The following PTPRO variants were observed in gnomAD, a reference collection of about 807,000 sequenced individuals.
The protein encoded by PTPRO is receptor-type tyrosine-protein phosphatase O.
A neutral mutation model predicts 145.2 loss-of-function variants in PTPRO; 62 were observed. That is an observed-to-expected ratio of 0.43 (90% confidence interval 0.35 to 0.53). PTPRO has a LOEUF of 0.53. Among genes scored for constraint, PTPRO ranks in the 20% least tolerant of loss-of-function variants. The pLI is 0.01. For missense variants in PTPRO, 1,345 were observed against 1,482.7 expected (o/e 0.91, Z 1.53); for synonymous variants, 565 against 514.7 (o/e 1.10, Z -1.32).
At chr12:15,348,288 C>G (rs1937659166) in intron 1 of PTPRO, 1 of 152,050 alleles carries the variant, frequency 6.6e-6, no homozygotes, top group South Asian at 2.1e-4. Flanking sequence ...TTGGAAGATG[C>G]AGGAGAAAGG....
At chr12:15,405,886 C>T (rs1939635117) in intron 1 of PTPRO, among the ~76,000 whole-genome samples, 1 of 152,048 alleles carries the variant, frequency 6.6e-6, no homozygotes, top group Non-Finnish European at 1.5e-5. Flanking sequence ...ACATGAGGTA[C>T]AGTGACAAAG....
At position 15,322,693 on chromosome 12, in the gene PTPRO, G is replaced by T; in HGVS notation, c.-34G>T. On this transcript the variant is annotated 5_prime_UTR_variant, in exon 1 of 27. Coordinates refer to ENST00000281171, the MANE Select transcript of PTPRO (RefSeq NM_030667.3). This position sits in a 1 kb window ranked among gnomAD's most constrained non-coding sequence, Gnocchi z 6.3. ...GCCGCCGCCGGGGGAGTCCGCTAGCGCAGCCGTGCCCCCGAGTCCCCGTCC... is the reference window on the plus strand; with the variant it reads ...GCCGCCGCCGGGGGAGTCCGCTAGCTCAGCCGTGCCCCCGAGTCCCCGTCC... 1 of 1,584,794 alleles carries T rather than the reference G, an allele frequency of 6.3e-7. No homozygotes were observed. Among genetic ancestry groups the T allele is most frequent in the African/African-American group, 1.3e-5 (1 of 74,420 alleles).
At chr12:15,593,864 T>C (rs1944602923) in intron 25 of PTPRO, among the ~76,000 whole-genome samples, 1 of 152,180 alleles carries the variant, frequency 6.6e-6, no homozygotes, top group African/African-American at 2.4e-5. Context: ...AGAAAATAAT[T>C]ATTTCAATGT....
At chr12:15,376,634 C>A (rs978465497) in intron 1 of PTPRO, among the ~76,000 whole-genome samples, 3 of 152,152 alleles carry the variant, frequency 2.0e-5, no homozygotes, top group East Asian at 1.9e-4. Flanking sequence ...GTTCTGGAGT[C>A]TGGGAATTCC....
chr12:15,353,844 T>C (rs1477505507), intron 1 of PTPRO, among the ~76,000 whole-genome samples: 3 of 152,220 alleles, frequency 2.0e-5, no homozygotes, highest in Non-Finnish European at 2.9e-5. Flanking sequence ...TTCTGCTTTG[T>C]TTTCAGGATC....
intron 1 of PTPRO, among the ~76,000 whole-genome samples, chr12:15,341,398 C>G (rs978326757): frequency 1.3e-5 from 2 of 152,032 alleles, no homozygotes; most frequent in African/African-American, 4.8e-5. Context: ...ATGTCATACC[C>G]CCTCCTCTGT....
At chr12:15,503,825 T>C in intron 5 of PTPRO, 83 bp from the exon 6 acceptor site, 2 of 1,162,100 alleles carry the variant, frequency 1.7e-6, no homozygotes, top group South Asian at 1.4e-5. Context: ...ACACCTAATT[T>C]TTTTTCATTA....
chr12:15,475,916 C>A (rs1591634853), intron 1 of PTPRO, among the ~76,000 whole-genome samples: 1 of 152,080 alleles, frequency 6.6e-6, no homozygotes, highest in Non-Finnish European at 1.5e-5. Context: ...TTTCCTCGTA[C>A]CCAAGTCTCC....
chr12:15,330,415 G>A (rs1176628904), intron 1 of PTPRO, among the ~76,000 whole-genome samples: 2 of 152,134 alleles, frequency 1.3e-5, no homozygotes, highest in Non-Finnish European at 2.9e-5. Flanking sequence ...CATGTGTGCT[G>A]GACAGTCTAC....
chr12:15,517,006 C>T (rs776390970), intron 9 of PTPRO, 50 bp downstream of exon 9: 5 of 1,445,828 alleles, frequency 3.5e-6, no homozygotes, highest in Admixed American at 3.3e-5. Context: ...AACAGGCAAA[C>T]CTTTATGTAC....
intron 18 of PTPRO, among the ~76,000 whole-genome samples, chr12:15,566,307 A>T (rs1419558425): frequency 6.6e-6 from 1 of 152,138 alleles, no homozygotes; most frequent in African/African-American, 2.4e-5. Flanking sequence ...ACATTGGTGA[A>T]TTAGTACAAG....
At chr12:15,407,708 A>T (rs1939686256) in intron 1 of PTPRO, among the ~76,000 whole-genome samples, 1 of 152,210 alleles carries the variant, frequency 6.6e-6, no homozygotes, top group African/African-American at 2.4e-5. Context: ...CTTCTTCATT[A>T]TTCTGAAAAT....
At chr12:15,546,813 T>C in intron 13 of PTPRO, 105 bp downstream of exon 13, 1 of 1,484,722 alleles carries the variant, frequency 6.7e-7, no homozygotes, top group Non-Finnish European at 9.3e-7. Flanking sequence ...AAATGAAAAC[T>C]GTTTATTTGC....
chr12:15,595,409 A>G (rs1944639275), intron 26 of PTPRO: 2 of 293,842 alleles, frequency 6.8e-6, no homozygotes, highest in Admixed American at 8.8e-5. Context: ...TCTTGTGCAA[A>G]TATTTTATTG....
At position 15,501,953 on chromosome 12, in the gene PTPRO, A is replaced by G. The variant is rs1200783601; in HGVS notation, c.995A>G (p.Lys332Arg). The G allele has an allele frequency of 3.7e-6, 6 of 1,613,978 alleles. No homozygotes were observed. The East Asian group carries it at 1.1e-4, about 30-fold the overall frequency. Reference sequence around the variant, plus strand: ...AACAGTACACTCAGTGAGACAGAGAAGTCAACATCAGGCTCTTTCTCCTTT... The same window carrying G: ...AACAGTACACTCAGTGAGACAGAGAGGTCAACATCAGGCTCTTTCTCCTTT... ...ENNSTLSETE[K>R]STSGSFSFFP... is the part of the protein sequence containing the mutation. Residue 332 changes from lysine (K) to arginine (R), a missense_variant, in exon 5 of 27, where the codon AAG becomes AGG. By Grantham distance (26) the Lys-to-Arg change is conservative. This residue lies in a region of PTPRO where 1,130 missense variants were observed against 1,214.7 expected (regional missense o/e 0.93). Coordinates refer to ENST00000281171, the MANE Select transcript of PTPRO (RefSeq NM_030667.3).
intron 3 of PTPRO, among the ~76,000 whole-genome samples, chr12:15,497,886 A>G (rs1942140456): frequency 6.6e-6 from 1 of 152,194 alleles, no homozygotes; most frequent in Non-Finnish European, 1.5e-5. Flanking sequence ...TCGCTTTTTC[A>G]CTGGCTTGAT....
chr12:15,539,411 A>T (rs1168131530), intron 12 of PTPRO, among the ~76,000 whole-genome samples: 1 of 152,130 alleles, frequency 6.6e-6, no homozygotes, highest in Non-Finnish European at 1.5e-5. Flanking sequence ...AAAACTATCA[A>T]CCCATCTAGT....
At chr12:15,575,152 G>T (rs1328083688) in intron 19 of PTPRO, among the ~76,000 whole-genome samples, 2 of 152,150 alleles carry the variant, frequency 1.3e-5, no homozygotes, top group African/African-American at 4.8e-5. Context: ...GAAAATTTAG[G>T]TTCACAGGCA....
At chr12:15,501,498 T>A (rs1942220528) in intron 4 of PTPRO, 122 bp from the exon 5 acceptor site, 1 of 903,282 alleles carries the variant, frequency 1.1e-6, no homozygotes, top group Non-Finnish European at 1.7e-6. Flanking sequence ...TGTCTGTGTA[T>A]CAGAAGTAAA....
Sources: gnomAD v4.1 joint callset for allele counts (sites outside exome capture counted in the v4.1 genomes callset) on GRCh38, gnomAD v4.1.1 for gene constraint, gnomAD v4.1.1 regional missense constraint, Gnocchi (gnomAD v3.1) non-coding constraint, MANE v1.5 for transcripts, NCBI Gene and HGNC (gene_info 2026-07-23, HGNC 2026-07-21) for gene names.